EYS: variants seen among roughly 807,000 people sequenced by gnomAD.
EYS encodes protein eyes shut homolog.
In EYS, 250 loss-of-function variants were observed where a neutral mutation model predicts 282.1. That is an observed-to-expected ratio of 0.89 (90% CI 0.80 to 0.98). The LOEUF is 0.98. Ranked by LOEUF, EYS falls within the 50% of genes least tolerant of loss-of-function variation. EYS has a pLI of 0.00. For missense variants in EYS, 4,016 were observed against 3,709.0 expected, an observed-to-expected ratio of 1.08 and a Z score of -2.15; for synonymous variants, 1,355 against 1,282.9, an observed-to-expected ratio of 1.06 and a Z score of -1.20.
intron 22 of EYS, among the ~76,000 whole-genome samples, chr6:64,760,209 T>C (rs1372686990): frequency 6.6e-6 from 1 of 152,188 alleles, no homozygotes; most frequent in Admixed American, 6.5e-5. Flanking sequence ...ATCTGTACTT[T>C]TCCACTCTCC....
At chr6:64,258,661 T>G (rs1767483279) in intron 30 of EYS, among the ~76,000 whole-genome samples, 1 of 152,102 alleles carries the variant, frequency 6.6e-6, no homozygotes, top group Admixed American at 6.6e-5. Flanking sequence ...CCTCAAGATA[T>G]TAAGTCACTG....
At chr6:64,296,838 C>T (rs185107632) in intron 30 of EYS, among the ~76,000 whole-genome samples, 1 of 152,066 alleles carries the variant, frequency 6.6e-6, no homozygotes, top group Admixed American at 6.5e-5. Context: ...AACTCCTGAC[C>T]TCGTGATCCA....
intron 20 of EYS, among the ~76,000 whole-genome samples, chr6:64,822,060 T>C (rs1418636323): frequency 6.6e-6 from 1 of 152,054 alleles, no homozygotes; most frequent in Non-Finnish European, 1.5e-5. Flanking sequence ...CTCTCTTCCC[T>C]GCTTACAAAG....
chr6:64,309,744 A>G (rs1335811542), intron 29 of EYS, among the ~76,000 whole-genome samples: 1 of 152,114 alleles, frequency 6.6e-6, no homozygotes, highest in Non-Finnish European at 1.5e-5. Flanking sequence ...AGGCACGTGG[A>G]TCATGAGGTC....
chr6:65,472,056 C>G (rs1417361390), intron 5 of EYS, among the ~76,000 whole-genome samples: 1 of 152,030 alleles, frequency 6.6e-6, no homozygotes, highest in Non-Finnish European at 1.5e-5. Context: ...ATAAACAGTA[C>G]ATTTTTTTAT....
chr6:65,626,903 A>AC (rs2149805362), intron 2 of EYS, among the ~76,000 whole-genome samples: 1 of 100,616 alleles, frequency 9.9e-6, no homozygotes, highest in African/African-American at 3.7e-5. Flanking sequence ...TATGTAAAAA[A>AC]AACACACACA....
intron 29 of EYS, among the ~76,000 whole-genome samples, chr6:64,332,201 T>C (rs1413035694): frequency 6.6e-6 from 1 of 152,196 alleles, no homozygotes; most frequent in East Asian, 1.9e-4. Context: ...CTTCTCCATG[T>C]CAGGTGCACC....
chr6:64,711,799 C>T (rs1438628300), intron 22 of EYS, among the ~76,000 whole-genome samples: 1 of 152,148 alleles, frequency 6.6e-6, no homozygotes, highest in Non-Finnish European at 1.5e-5. Flanking sequence ...GTTGTCTCTT[C>T]CCCGAAGTCA....
chr6:64,581,777 C>T (rs1766077211), intron 26 of EYS, among the ~76,000 whole-genome samples: 1 of 152,052 alleles, frequency 6.6e-6, no homozygotes, highest in Non-Finnish European at 1.5e-5. Flanking sequence ...AGGTCACACA[C>T]CCCTGAAGCC....
intron 12 of EYS, among the ~76,000 whole-genome samples, chr6:65,227,855 T>C (rs1766668926): frequency 6.6e-6 from 1 of 152,094 alleles, no homozygotes; most frequent in Non-Finnish European, 1.5e-5. Context: ...ACTTATATAA[T>C]GTATAAATTG....
intron 12 of EYS, among the ~76,000 whole-genome samples, chr6:65,162,659 T>C (rs866995995): frequency 6.6e-6 from 1 of 151,226 alleles, no homozygotes; most frequent in Non-Finnish European, 1.5e-5. Context: ...TATATTTCCA[T>C]GTCCTGATAG....
chr6:65,012,093 T>A (rs1359252619), intron 13 of EYS, among the ~76,000 whole-genome samples: 1 of 152,160 alleles, frequency 6.6e-6, no homozygotes, highest in Admixed American at 6.5e-5. Context: ...AAGTAAATGA[T>A]GGAAAAAGAA....
At chr6:65,566,391 G>A (rs991447237) in intron 2 of EYS, among the ~76,000 whole-genome samples, 18 of 146,410 alleles carry the variant, frequency 1.2e-4, no homozygotes, top group African/African-American at 3.8e-4. Context: ...ACAAGACCTC[G>A]AAAAAAAAAA....
intron 28 of EYS, 91 bp from the exon 29 acceptor site, chr6:64,388,931 T>A: frequency 1.2e-6 from 1 of 846,902 alleles, no homozygotes; most frequent in Non-Finnish European, 1.7e-6. Context: ...AAGAATAATT[T>A]AAGTAAATAG....
At chr6:63,853,681 T>A (rs1325832563) in intron 36 of EYS, among the ~76,000 whole-genome samples, 2 of 151,954 alleles carry the variant, frequency 1.3e-5, no homozygotes, top group Non-Finnish European at 2.9e-5. Context: ...CCCAAGACAA[T>A]CCTAAGCAAA....
intron 22 of EYS, among the ~76,000 whole-genome samples, chr6:64,735,024 T>G (rs968295667): frequency 3.3e-5 from 5 of 152,184 alleles, no homozygotes; most frequent in Non-Finnish European, 1.5e-5. Flanking sequence ...TGCACTATAT[T>G]ATAAGACTGA....
chr6:64,461,570 T>C (rs1276791270), intron 26 of EYS, among the ~76,000 whole-genome samples: 2 of 152,190 alleles, frequency 1.3e-5, no homozygotes, highest in African/African-American at 4.8e-5. Flanking sequence ...TTTTGTGTTC[T>C]TTAGACACAT....
At chr6:65,415,542 A>C (rs901166702) in intron 5 of EYS, among the ~76,000 whole-genome samples, 4 of 152,086 alleles carry the variant, frequency 2.6e-5, no homozygotes, top group African/African-American at 9.7e-5. Flanking sequence ...ATTCTAGATT[A>C]ATGTCTATAG....
At chr6:64,716,675 A>G (rs1251701680) in intron 22 of EYS, among the ~76,000 whole-genome samples, 2 of 152,250 alleles carry the variant, frequency 1.3e-5, no homozygotes, top group Admixed American at 6.5e-5. Flanking sequence ...GGCTTTAGCA[A>G]TGCAGTTAGC....
Sources: gnomAD v4.1 joint callset for allele counts (sites outside exome capture counted in the v4.1 genomes callset) on GRCh38, gnomAD v4.1.1 for gene constraint, MANE v1.5 for transcripts, NCBI Gene and HGNC (gene_info 2026-07-23, HGNC 2026-07-21) for gene names.